SPATS2: variants seen among roughly 807,000 people sequenced by gnomAD.
The protein encoded by SPATS2 is spermatogenesis associated serine rich 2.
In SPATS2, 38 loss-of-function variants were observed where a neutral mutation model predicts 63.7. The ratio of observed to expected loss-of-function variants is 0.60; its 90% confidence interval spans 0.46 to 0.78. SPATS2 has a LOEUF of 0.78. Ranked by LOEUF, SPATS2 falls within the 30% of genes least tolerant of loss-of-function variation. The probability of loss-of-function intolerance (pLI) is 0.00; values close to 1 mark genes in which losing one functional copy is unlikely to be tolerated. For missense variants in SPATS2, 588 were observed against 666.2 expected (o/e 0.88, Z 1.29); for synonymous variants, 207 against 232.9 (o/e 0.89, Z 1.01).
At chr12:49,404,151 C>T (rs1026546769) in intron 2 of SPATS2, among the ~76,000 whole-genome samples, 3 of 152,050 alleles carry the variant, frequency 2.0e-5, no homozygotes, top group Non-Finnish European at 4.4e-5. Flanking sequence ...CCAGAAATTA[C>T]AATTTAACGT....
chr12:49,446,559 G>A (rs1430744393), intron 2 of SPATS2, among the ~76,000 whole-genome samples: 1 of 152,196 alleles, frequency 6.6e-6, no homozygotes, highest in Non-Finnish European at 1.5e-5. Flanking sequence ...TCTAGAGGCT[G>A]TCTGCATTTC....
At chr12:49,444,317 T>A (rs1387502843) in intron 2 of SPATS2, among the ~76,000 whole-genome samples, 1 of 151,984 alleles carries the variant, frequency 6.6e-6, no homozygotes, top group African/African-American at 2.4e-5. Context: ...GCTCAAGTGA[T>A]CTTCCTGCTT....
intron 2 of SPATS2, among the ~76,000 whole-genome samples, chr12:49,416,203 G>A (rs542267534): frequency 6.6e-6 from 1 of 152,184 alleles, no homozygotes; most frequent in South Asian, 2.1e-4. Context: ...GGTTTCTCTT[G>A]AAGGTGCAGT....
At chr12:49,383,364 C>A (rs570608549) in intron 2 of SPATS2, among the ~76,000 whole-genome samples, 1 of 151,976 alleles carries the variant, frequency 6.6e-6, no homozygotes, top group South Asian at 2.1e-4. Flanking sequence ...TTAACTTTTT[C>A]TTTTTAATAT....
chr12:49,376,942 T>C (rs930129736), intron 2 of SPATS2, among the ~76,000 whole-genome samples: 2 of 152,100 alleles, frequency 1.3e-5, no homozygotes, highest in Non-Finnish European at 2.9e-5. Flanking sequence ...GGTCTTGAAC[T>C]CCTGACCTTG....
At chr12:49,487,546 C>T (rs758461659) in intron 4 of SPATS2, among the ~76,000 whole-genome samples, 3 of 152,138 alleles carry the variant, frequency 2.0e-5, no homozygotes, top group Non-Finnish European at 2.9e-5. Context: ...CCTGAAGGTG[C>T]AATATTTTTA....
chr12:49,509,273 C>CTTTTTT lies in SPATS2; in HGVS notation c.840-5262_840-5257dup, dbSNP rs1186617900. 8.6e-4 allele frequency among the ~76,000 whole-genome samples: 67 copies of CTTTTTT among 77,804 alleles called. 1 individual carries two copies. The highest frequency in any genetic ancestry group is 0.014 in the Middle Eastern group (1 of 70). The allele number at this position is 77,804 out of a possible 152,430, so 51.0% of individuals were successfully genotyped here. On this transcript the variant is annotated intron_variant, in intron 9 of 13. Coordinates refer to ENST00000552918, the MANE Select transcript of SPATS2 (RefSeq NM_023071.4). ...GTGGCTTATGTTCACGTTCTAACTT[C>CTTTTTT]TTTTTTTTTTTTTTTTTTTTTTTTT...
chr12:49,482,888 C>T (rs1195948766), intron 3 of SPATS2, among the ~76,000 whole-genome samples: 1 of 151,798 alleles, frequency 6.6e-6, no homozygotes, highest in African/African-American at 2.4e-5. Flanking sequence ...TGCCAGACTC[C>T]AGCTGTCTTC....
intron 2 of SPATS2, among the ~76,000 whole-genome samples, chr12:49,448,337 C>T (rs528805410): frequency 6.6e-6 from 1 of 151,910 alleles, no homozygotes; most frequent in South Asian, 2.1e-4. Flanking sequence ...AACGGGGTTT[C>T]ACCGTGTTAG....
At chr12:49,482,347 T>A (rs1946220519) in intron 3 of SPATS2, among the ~76,000 whole-genome samples, 1 of 152,174 alleles carries the variant, frequency 6.6e-6, no homozygotes, top group South Asian at 2.1e-4. Flanking sequence ...TTTATTCCTC[T>A]AATCTTTCTC....
At chr12:49,389,188 A>G (rs1166456734) in intron 2 of SPATS2, among the ~76,000 whole-genome samples, 1 of 152,202 alleles carries the variant, frequency 6.6e-6, no homozygotes, top group Non-Finnish European at 1.5e-5. Context: ...GACCCCGCCC[A>G]GCCTTCTCAC....
intron 2 of SPATS2, among the ~76,000 whole-genome samples, chr12:49,423,425 C>A (rs569669286): frequency 6.6e-6 from 1 of 152,282 alleles, no homozygotes; most frequent in South Asian, 2.1e-4. Context: ...AGCCACCGCG[C>A]CTGGCCTAAT....
Position 49,526,210 on chromosome 12 carries a change from C to G in SPATS2, c.1593C>G (p.Pro531=), listed in dbSNP as rs367771980. 11 of 1,614,026 alleles carry G rather than the reference C, an allele frequency of 6.8e-6. No homozygotes were observed. In the African/African-American group the frequency reaches 1.1e-4, roughly 16 times the overall value. The change falls in exon 14 of 14, where the codon CCC becomes CCG. Residue 531 remains proline (P), a synonymous_variant. Coordinates refer to ENST00000552918, the MANE Select transcript of SPATS2 (RefSeq NM_023071.4). The part of the protein sequence containing the change: ...PPTPSFKKGL[P]QRKPRTSQTE... ...CGCCTTCATTCAAAAAGGGGCTCCC[C>G]CAGCGCAAACCCAGGACCTCTCAGA...
chr12:49,383,541 G>C lies in SPATS2; in HGVS notation c.-244+12251G>C, dbSNP rs117301667. 1.7e-3 allele frequency among the ~76,000 whole-genome samples: 264 copies of C among 152,008 alleles called. 2 individuals are homozygous for C. The highest frequency in any genetic ancestry group is 3.9e-3 in the Admixed American group (60 of 15,240). ...TCCTCCCATCTCAGCCTCCCAAGTA[G>C]CTAGGACTACAGGCCATGCTTGCTA... On this transcript the variant is annotated intron_variant, in intron 2 of 13. Coordinates refer to ENST00000552918, the MANE Select transcript of SPATS2 (RefSeq NM_023071.4).
intron 2 of SPATS2, among the ~76,000 whole-genome samples, chr12:49,398,135 C>CAAAAAAAAA (rs71080193): frequency 2.2e-4 from 10 of 45,366 alleles, no homozygotes; most frequent in African/African-American, 4.1e-4. Flanking sequence ...GACCCTGTCT[C>CAAAAAAAAA]AAAAAAAAAA....
intron 2 of SPATS2, among the ~76,000 whole-genome samples, chr12:49,437,396 G>T (rs1193022488): frequency 2.0e-5 from 3 of 152,150 alleles, no homozygotes; most frequent in Non-Finnish European, 4.4e-5. Flanking sequence ...GGGCGGCCAG[G>T]CAGAGACGCT....
At chr12:49,433,790 G>A (rs1234520574) in intron 2 of SPATS2, among the ~76,000 whole-genome samples, 4 of 152,154 alleles carry the variant, frequency 2.6e-5, no homozygotes, top group Admixed American at 6.6e-5. Context: ...TAAGTTTAAT[G>A]TAATCCCATT....
intron 2 of SPATS2, among the ~76,000 whole-genome samples, chr12:49,404,653 T>C (rs1944663842): frequency 6.6e-6 from 1 of 152,166 alleles, no homozygotes; most frequent in Admixed American, 6.5e-5. Flanking sequence ...AGAATAGTTA[T>C]GTGTCGAGCA....
chr12:49,522,599 G>A (rs780646094), intron 11 of SPATS2, 152 bp from the exon 12 acceptor site: 50 of 519,678 alleles, frequency 9.6e-5, no homozygotes, highest in Middle Eastern at 3.1e-4. Flanking sequence ...GAATTTATTC[G>A]ATCACCTGGC....
Sources: allele counts gnomAD v4.1 joint callset (sites outside exome capture counted in the v4.1 genomes callset), GRCh38; gene constraint gnomAD v4.1.1; transcripts MANE v1.5; gene names NCBI Gene and HGNC (gene_info 2026-07-23, HGNC 2026-07-21).